Variants in SPECC1 observed in about 807,000 individuals in gnomAD.
SPECC1 encodes the protein sperm antigen with calponin homology and coiled-coil domains 1.
A neutral mutation model predicts 104.1 loss-of-function variants in SPECC1; 62 were observed. That is an observed-to-expected ratio of 0.60 (90% CI 0.49 to 0.74). The LOEUF (loss-of-function observed/expected upper bound fraction) is 0.74. Among genes scored for constraint, SPECC1 ranks in the 30% least tolerant of loss-of-function variants. The pLI, the probability that SPECC1 is intolerant of heterozygous loss-of-function variation, is 0.00. For synonymous variants in SPECC1, 513 were observed against 501.6 expected (o/e 1.02, Z -0.30); for missense variants, 1,306 against 1,310.5 (o/e 1.00, Z 0.05).
At chr17:20,262,239 G>A (rs750110861) in intron 12 of SPECC1, among the ~76,000 whole-genome samples, 1 of 152,090 alleles carries the variant, frequency 6.6e-6, no homozygotes, top group Non-Finnish European at 1.5e-5. Flanking sequence ...TTCTAGTTTG[G>A]AGCTATTATG....
At position 20,298,921 on chromosome 17, in the gene SPECC1, A is replaced by AAAGAGAGAGAGAG. The variant is rs1555535541; in HGVS notation, c.3057+1845_3057+1846insAGAGAGAGAGAGA. Among the ~76,000 whole-genome samples the AAAGAGAGAGAGAG allele has an allele frequency of 2.1e-4, 15 of 72,786 alleles. 1 individual carries two copies. Among genetic ancestry groups the AAAGAGAGAGAGAG allele is most frequent in the Admixed American group, 7.1e-4 (5 of 7,030 alleles). 47.8% of individuals were successfully genotyped at this position (72,786 alleles called of 152,430 possible). Reference sequence around the variant, plus strand: ...GAATTCTCCAAAAAAGCAGAACCAAAAGAGAGAGAGAGAGAGAGAGAGAGA... The same window carrying AAAGAGAGAGAGAG: ...GAATTCTCCAAAAAAGCAGAACCAAAAAGAGAGAGAGAGAGAGAGAGAGAGAGAGAGAGAGAGA... On this transcript the variant is annotated intron_variant, in intron 13 of 14. Coordinates refer to ENST00000395527, the MANE Select transcript of SPECC1 (RefSeq NM_001243439.2).
At chr17:20,227,330 G>A in intron 4 of SPECC1, 83 bp from the exon 5 acceptor site, 1 of 1,163,228 alleles carries the variant, frequency 8.6e-7, no homozygotes, top group Non-Finnish European at 1.2e-6. Flanking sequence ...TTGCATCATG[G>A]TGGGGCTTGG....
chr17:20,289,883 T>G (rs1205565539), intron 12 of SPECC1, among the ~76,000 whole-genome samples: 1 of 152,220 alleles, frequency 6.6e-6, no homozygotes, highest in African/African-American at 2.4e-5. Flanking sequence ...GGCCTCTACC[T>G]CTGCCAACGT....
intron 3 of SPECC1, among the ~76,000 whole-genome samples, chr17:20,187,978 G>A (rs932721813): frequency 2.6e-5 from 4 of 152,138 alleles, no homozygotes; most frequent in Admixed American, 6.5e-5. Flanking sequence ...AACTGGAATC[G>A]GTGTGTGCCA....
intron 3 of SPECC1, among the ~76,000 whole-genome samples, chr17:20,136,616 G>A (rs1395472186): frequency 7.2e-5 from 11 of 152,180 alleles, no homozygotes; most frequent in African/African-American, 7.2e-5. Flanking sequence ...GGTGGGGAAT[G>A]TGGTATCTTT....
chr17:20,093,901 T>A (rs1480372504), intron 1 of SPECC1, among the ~76,000 whole-genome samples: 1 of 151,860 alleles, frequency 6.6e-6, no homozygotes, highest in Non-Finnish European at 1.5e-5. Flanking sequence ...CCCCTAATTT[T>A]TTGTATTTTT....
chr17:20,133,512 T>C (rs1038764217), intron 3 of SPECC1, among the ~76,000 whole-genome samples: 9 of 152,164 alleles, frequency 5.9e-5, no homozygotes, highest in African/African-American at 2.2e-4. Flanking sequence ...TTTGCTTTCT[T>C]AAGATTTTTC....
At chr17:20,112,807 C>T (rs776439205) in intron 3 of SPECC1, 28 of 1,550,862 alleles carry the variant, frequency 1.8e-5, no homozygotes, top group Non-Finnish European at 2.5e-5. Flanking sequence ...GAGTGACTAC[C>T]TTAAAAAATG....
chr17:20,033,031 C>G lies in SPECC1; in HGVS notation c.-22+23607C>G, dbSNP rs573639923. Among the ~76,000 whole-genome samples the G allele has an allele frequency of 4.7e-4, 71 of 150,370 alleles. No homozygotes were observed. In the South Asian group the frequency reaches 0.015, roughly 32 times the overall value. On this transcript the variant is annotated intron_variant, in intron 1 of 14. Transcript: ENST00000395527. ...CCAGGCTGGAGTTCAGTGGCGTGATCTCGGCTCACTGCAACCTCTGCCTCC... is the reference window on the plus strand; with the variant it reads ...CCAGGCTGGAGTTCAGTGGCGTGATGTCGGCTCACTGCAACCTCTGCCTCC...
intron 1 of SPECC1, among the ~76,000 whole-genome samples, chr17:20,076,631 T>C (rs1448368420): frequency 6.6e-6 from 1 of 152,260 alleles, no homozygotes; most frequent in Non-Finnish European, 1.5e-5. Flanking sequence ...AGTAATAGAT[T>C]AGTAACCGTC....
intron 12 of SPECC1, among the ~76,000 whole-genome samples, chr17:20,291,979 A>C (rs970455989): frequency 2.1e-4 from 32 of 151,086 alleles, no homozygotes; most frequent in African/African-American, 6.8e-4. Context: ...CAGGCAGGGC[A>C]AGCACTTGCC....
At chr17:20,162,678 A>T (rs2033275459) in intron 3 of SPECC1, among the ~76,000 whole-genome samples, 1 of 152,078 alleles carries the variant, frequency 6.6e-6, no homozygotes, top group African/African-American at 2.4e-5. Flanking sequence ...TTCTCAGGTT[A>T]GTTCATTATT....
At chr17:20,190,616 C>A (rs1322554727) in intron 3 of SPECC1, among the ~76,000 whole-genome samples, 1 of 152,180 alleles carries the variant, frequency 6.6e-6, no homozygotes, top group African/African-American at 2.4e-5. Flanking sequence ...ATCAGTGAAC[C>A]CACACCGATG....
At chr17:20,138,446 T>C (rs757032343) in intron 3 of SPECC1, among the ~76,000 whole-genome samples, 33 of 152,186 alleles carry the variant, frequency 2.2e-4, no homozygotes, top group African/African-American at 7.5e-4. Context: ...TGAATGAATG[T>C]ATAATGCCAC....
rs967980864 is a variant in SPECC1, at chr17:20,238,386, A to G, written c.2351+5981A>G. ...GTGAAGATCCAAATCCAATTCAGCA[A>G]CCTCCATCAGGCAGAAACCTTCTGC... On this transcript the variant is annotated intron_variant, in intron 7 of 14. Transcript: ENST00000395527. 19 of 1,041,726 alleles carry G rather than the reference A, an allele frequency of 1.8e-5. No homozygotes were observed. In the African/African-American group the frequency reaches 2.2e-4, roughly 12 times the overall value. 64.5% of individuals were successfully genotyped at this position (1,041,726 alleles called of 1,614,324 possible).
intron 3 of SPECC1, among the ~76,000 whole-genome samples, chr17:20,157,680 A>G (rs1055696564): frequency 6.6e-6 from 1 of 152,116 alleles, no homozygotes; most frequent in Non-Finnish European, 1.5e-5. Context: ...CTGTGTTCCA[A>G]TTTTTTTAGT....
intron 13 of SPECC1, among the ~76,000 whole-genome samples, chr17:20,303,681 T>G (rs142126887): frequency 2.0e-5 from 3 of 152,288 alleles, no homozygotes; most frequent in Non-Finnish European, 4.4e-5. Flanking sequence ...GGACAGGTGC[T>G]GTGGCTCACG....
chr17:20,147,803 A>G (rs1376045785), intron 3 of SPECC1, among the ~76,000 whole-genome samples: 1 of 152,224 alleles, frequency 6.6e-6, no homozygotes, highest in Non-Finnish European at 1.5e-5. Context: ...CAGGAGGCCA[A>G]GTAGGGAAAA....
rs939229654 is a variant in SPECC1 at position 20,185,733 on chromosome 17, A to G, written c.284-18600A>G. Among the ~76,000 whole-genome samples, 3 of 152,282 alleles carry G rather than the reference A, an allele frequency of 2.0e-5. 1 individual carries two copies. The South Asian group carries it at 6.2e-4, about 32-fold the overall frequency. On this transcript the variant is annotated intron_variant, in intron 3 of 14. Coordinates refer to ENST00000395527, the MANE Select transcript of SPECC1 (RefSeq NM_001243439.2). The stretch of plus-strand genomic sequence containing the variant: ...TGTTGGAAAGACCTTTGCAGAGCCA[A>G]CCTCCACTACTCCTTGCACCCAGAT...
Sources: gnomAD v4.1 joint callset for allele counts (sites outside exome capture counted in the v4.1 genomes callset) on GRCh38, gnomAD v4.1.1 for gene constraint, MANE v1.5 for transcripts, NCBI Gene and HGNC (gene_info 2026-07-23, HGNC 2026-07-21) for gene names.